The following IMP4 variants were observed in gnomAD, a reference collection of about 807,000 sequenced individuals.
IMP4 encodes IMP U3 small nucleolar ribonucleoprotein 4.
A neutral mutation model predicts 42.7 loss-of-function variants in IMP4; 30 were observed. That is an observed-to-expected ratio of 0.70 (90% confidence interval 0.53 to 0.95). The LOEUF (loss-of-function observed/expected upper bound fraction) is 0.95, where lower values mean the gene tolerates loss of function less well. Ranked by LOEUF, IMP4 falls within the 40% of genes least tolerant of loss-of-function variation. IMP4 has a pLI of 0.00. For synonymous variants in IMP4, 165 were observed against 165.2 expected, an observed-to-expected ratio of 1.00 and a Z score of 0.01; for missense variants, 382 against 411.4, an observed-to-expected ratio of 0.93 and a Z score of 0.62.
In IMP4 at chr2:130,345,598, G is replaced by A. The variant is rs142127211; in HGVS notation, c.338G>A (p.Arg113Gln). Reference sequence around the variant, plus strand: ...AAGCTGGTGTTCCCGGGCGCCCAGCGAATGAACCGAGGTCGACATGAAGTG... The same window carrying A: ...AAGCTGGTGTTCCCGGGCGCCCAGCAAATGAACCGAGGTCGACATGAAGTG... ...ELKLVFPGAQRMNRGRHEVGA... is the reference protein window; with the variant it reads ...ELKLVFPGAQQMNRGRHEVGA... The change falls in exon 5 of 9, where the codon CGA (arginine) becomes CAA (glutamine). Residue 113 changes from arginine (R) to glutamine (Q), a missense_variant. Transcript: ENST00000259239. The surrounding 1 kb of genome is among the most constrained non-coding windows in gnomAD (Gnocchi z 4.9). 8.1e-6 allele frequency: 13 copies of A among 1,614,018 alleles called. No individual in the cohort carries two copies. Among genetic ancestry groups the A allele is most frequent in the East Asian group, 2.2e-5 (1 of 44,874 alleles).
rs1224292296 is a variant in IMP4 at position 130,346,065 on chromosome 2, C to A, written c.642C>A (p.Ser214Arg). 1.2e-6 allele frequency: 2 copies of A among 1,614,098 alleles called. No homozygotes were observed. Among genetic ancestry groups the A allele is most frequent in the Non-Finnish European group, 1.7e-6 (2 of 1,180,040 alleles). ...RYLFPVPKDD[S>R]HRVITFANQD... ...TATTTCCCGTGCCCAAAGATGACAGCCACCGGGTCATCACCTTCGCAAACC... is the reference window on the plus strand; with the variant it reads ...TATTTCCCGTGCCCAAAGATGACAGACACCGGGTCATCACCTTCGCAAACC... Residue 214 changes from serine (S) to arginine (R), a missense_variant, in exon 7 of 9, where the codon AGC becomes AGA. Transcript: ENST00000259239.
rs548341946 is a variant in IMP4 at position 130,347,840 on chromosome 2, C to G, written c.*1372C>G. 1.3e-5 allele frequency: 2 copies of G among 152,294 alleles called. No homozygotes were observed. Among genetic ancestry groups the G allele is most frequent in the Non-Finnish European group, 2.9e-5 (2 of 68,170 alleles). The allele number at this position is 152,294 out of a possible 1,614,324, so 9.4% of individuals were successfully genotyped here. A position where few individuals can be genotyped will look rare whatever the true frequency, so the allele number is the denominator to read the frequency against. ...GTCTGTGGTATTTTGTTAGAACAGCCCAAGTTGAGACAGATAGTAACCCTT... is the reference window on the plus strand; with the variant it reads ...GTCTGTGGTATTTTGTTAGAACAGCGCAAGTTGAGACAGATAGTAACCCTT... On this transcript the variant is annotated 3_prime_UTR_variant, in exon 9 of 9. Transcript: ENST00000259239.
At chr2:130,346,296 G>T in intron 8 of IMP4, 22 bp downstream of exon 8, 2 of 1,613,000 alleles carry the variant, frequency 1.2e-6, no homozygotes, top group East Asian at 2.2e-5. Flanking sequence ...GCTGAATCCC[G>T]TGTCTGGGGT....
intron 2 of IMP4, among the ~76,000 whole-genome samples, chr2:130,344,086 T>C (rs1409078097): frequency 1.3e-5 from 2 of 152,246 alleles, no homozygotes; most frequent in Non-Finnish European, 2.9e-5. Flanking sequence ...CCCAGCACTT[T>C]GGGAGGCCGA....
chr2:130,344,503 C>T (rs528362795), intron 2 of IMP4, 126 bp from the exon 3 acceptor site: 2 of 707,772 alleles, frequency 2.8e-6, no homozygotes, highest in African/African-American at 1.8e-5. Flanking sequence ...CATGCTTTAT[C>T]CAAGCTCAGA....
rs1679617797 is a variant in IMP4, at chr2:130,346,864, A to C, written c.*396A>C. 3.7e-6 allele frequency: 1 copy of C among 272,180 alleles called. No homozygotes were observed. Among genetic ancestry groups the C allele is most frequent in the Non-Finnish European group, 7.2e-6 (1 of 138,606 alleles). The allele number at this position is 272,180 out of a possible 1,614,324, so 16.9% of individuals were successfully genotyped here. On this transcript the variant is annotated 3_prime_UTR_variant, in exon 9 of 9. Coordinates refer to ENST00000259239, the MANE Select transcript of IMP4 (RefSeq NM_033416.3). ...GGCAGCCCACCAAGTTAACTCACTG[A>C]GTGGAAGCCGCCAGTGTGCCAACGC...
rs1250216117 is a variant in IMP4 at position 130,346,192 on chromosome 2, C to G, written c.690-9C>G. The G allele has an allele frequency of 1.9e-6, 3 of 1,613,984 alleles. No homozygotes were observed. In the African/African-American group the frequency reaches 4.0e-5, roughly 22 times the overall value. ...TGCTTGCCGTTGACCCACAGCTGTT[C>G]CCTCCCAGGCACCATGTGTATAAGA... On this transcript the variant is annotated splice_polypyrimidine_tract_variant and intron_variant, in intron 7 of 8. Coordinates refer to ENST00000259239, the MANE Select transcript of IMP4 (RefSeq NM_033416.3).
Position 130,345,398 on chromosome 2 carries a change from T to A in IMP4, c.219T>A (p.Asp73Glu). The A allele has an allele frequency of 6.2e-7, 1 of 1,613,958 alleles. No individual in the cohort carries two copies. The highest frequency in any genetic ancestry group is 1.3e-5 in the African/African-American group (1 of 75,014). Reference sequence around the variant, plus strand: ...CAGGTGTGACCAGCCACGTGGATGATGAATACCGATGGGCAGGAGTCGAGG... The same window carrying A: ...CAGGTGTGACCAGCCACGTGGATGAAGAATACCGATGGGCAGGAGTCGAGG... The part of the protein sequence containing the change: ...GGEGVTSHVD[D>E]EYRWAGVEDP... The change falls in exon 4 of 9, where the codon GAT (aspartate) becomes GAA (glutamate). Residue 73 changes from aspartate (D) to glutamate (E), a missense_variant. Transcript: ENST00000259239. The surrounding 1 kb of genome is among the most constrained non-coding windows in gnomAD (Gnocchi z 4.9).
chr2:130,345,168 A>G lies in IMP4; in HGVS notation c.197-208A>G, dbSNP rs1380738736. On this transcript the variant is annotated intron_variant, in intron 3 of 8. Coordinates refer to ENST00000259239, the MANE Select transcript of IMP4 (RefSeq NM_033416.3). The surrounding 1 kb of genome is among the most constrained non-coding windows in gnomAD (Gnocchi z 4.9). ...GTGACTAATATAGCTTAAGCAAACT[A>G]CAATTAAACAAAAGATTCTGTTTCT... 6 of 600,586 alleles carry G rather than the reference A, an allele frequency of 1.0e-5. No individual in the cohort carries two copies. The highest frequency in any genetic ancestry group is 1.8e-5 in the Non-Finnish European group (6 of 336,878). The allele number at this position is 600,586 out of a possible 1,614,324, so 37.2% of individuals were successfully genotyped here. A position where few individuals can be genotyped will look rare whatever the true frequency, so the allele number is the denominator to read the frequency against.
Position 130,342,949 on chromosome 2 carries a change from C to G in IMP4, c.3+14C>G, listed in dbSNP as rs201588810. On this transcript the variant is annotated intron_variant, in intron 1 of 8. Transcript: ENST00000259239. ...GCACTCAAGATGGTAGGAGAATGAG[C>G]TCCTGTTTCGGAGGTCCGGGGCGCG... 2.5e-6 allele frequency: 4 copies of G among 1,614,178 alleles called. No individual in the cohort carries two copies. In the South Asian group the frequency reaches 3.3e-5, roughly 13 times the overall value.
In IMP4 at chr2:130,346,454, C is replaced by G. The variant is rs1009037724; in HGVS notation, c.862C>G (p.Leu288Val). Reference sequence around the variant, plus strand: ...CAATACCGCACGCAAGAGAGTCTTCCTGAGCACCGAGTGAGCACACTCACC... The same window carrying G: ...CAATACCGCACGCAAGAGAGTCTTCGTGAGCACCGAGTGAGCACACTCACC... ...YTNTARKRVF[L>V]STE is the part of the protein sequence containing the mutation. The change falls in exon 9 of 9, where the codon CTG becomes GTG. Residue 288 changes from leucine (L) to valine (V), a missense_variant. Transcript: ENST00000259239. The G allele has an allele frequency of 6.4e-7, 1 of 1,558,010 alleles. No homozygotes were observed. Among genetic ancestry groups the G allele is most frequent in the Non-Finnish European group, 8.7e-7 (1 of 1,150,110 alleles).
chr2:130,344,654 A>T lies in IMP4; in HGVS notation c.138A>T (p.Leu46Phe). 6.2e-7 allele frequency: 1 copy of T among 1,614,096 alleles called. No homozygotes were observed. Among genetic ancestry groups the T allele is most frequent in the Non-Finnish European group, 8.5e-7 (1 of 1,179,938 alleles). Reference protein sequence around the residue: ...LEENRLIPTELRREALALQGS... With the variant: ...LEENRLIPTEFRREALALQGS... The stretch of plus-strand genomic sequence containing the variant: ...AAAACCGCCTGATTCCCACTGAGTT[A>T]CGCCGAGAGGCTCTGGCCTTACAGG... The change falls in exon 3 of 9, where the codon TTA becomes TTT. Residue 46 changes from leucine to phenylalanine, a missense_variant. Leu to Phe is a conservative substitution (Grantham distance 22). Coordinates refer to ENST00000259239, the MANE Select transcript of IMP4 (RefSeq NM_033416.3).
chr2:130,346,217 A>G lies in IMP4; in HGVS notation c.706A>G (p.Lys236Glu), dbSNP rs968517890. ...CCCTCCCAGGCACCATGTGTATAAGAAGACAGACCACCGCAACGTGGAGCT... is the reference window on the plus strand; with the variant it reads ...CCCTCCCAGGCACCATGTGTATAAGGAGACAGACCACCGCAACGTGGAGCT... ...YISFRHHVYK[K>E]TDHRNVELTE... Residue 236 changes from lysine to glutamate, a missense_variant, in exon 8 of 9, where the codon AAG becomes GAG. Coordinates refer to ENST00000259239, the MANE Select transcript of IMP4 (RefSeq NM_033416.3). The G allele has an allele frequency of 1.9e-6, 3 of 1,613,876 alleles. No individual in the cohort carries two copies. The African/African-American group carries it at 4.0e-5, about 22-fold the overall frequency.
chr2:130,345,303 C>G lies in IMP4; in HGVS notation c.197-73C>G. On this transcript the variant is annotated intron_variant, in intron 3 of 8. Coordinates refer to ENST00000259239, the MANE Select transcript of IMP4 (RefSeq NM_033416.3). This position sits in a 1 kb window ranked among gnomAD's most constrained non-coding sequence, Gnocchi z 4.9. ...GCTTCGGCAGACAGCGACATCCAGG[C>G]GGTCTTGGCTGCCCCGAAGTTAGCA... 1.8e-6 allele frequency: 2 copies of G among 1,124,284 alleles called. No homozygotes were observed. Among genetic ancestry groups the G allele is most frequent in the Non-Finnish European group, 2.7e-6 (2 of 753,852 alleles). The allele number at this position is 1,124,284 out of a possible 1,614,324, so 69.6% of individuals were successfully genotyped here. A position where few individuals can be genotyped will look rare whatever the true frequency, so the allele number is the denominator to read the frequency against.
At position 130,347,509 on chromosome 2, in the gene IMP4, C is replaced by T. The variant is rs1679665772; in HGVS notation, c.*1041C>T. 1 of 152,230 alleles carries T rather than the reference C, an allele frequency of 6.6e-6. No individual in the cohort carries two copies. Among genetic ancestry groups the T allele is most frequent in the Non-Finnish European group, 1.5e-5 (1 of 68,056 alleles). 9.4% of individuals were successfully genotyped at this position (152,230 alleles called of 1,614,324 possible). ...TTGAGTCCCTTATATAGTTTGGATA[C>T]TGCTGTGGCCTGAATGTTTGTGTCC... On this transcript the variant is annotated 3_prime_UTR_variant, in exon 9 of 9. Coordinates refer to ENST00000259239, the MANE Select transcript of IMP4 (RefSeq NM_033416.3).
Position 130,345,671 on chromosome 2 carries a change from G to A in IMP4, c.411G>A (p.Leu137=). The change falls in exon 5 of 9, where the codon CTG becomes CTA. Residue 137 remains leucine, a synonymous_variant. Transcript: ENST00000259239. This position sits in a 1 kb window ranked among gnomAD's most constrained non-coding sequence, Gnocchi z 4.9. ...ACKANGVTDL[L]VVHEHRGTPV... is the part of the protein sequence containing the mutation. ...AAGCCAACGGCGTCACCGATCTGCT[G>A]GTCGTTCACGAGCATCGGGGCACAC... 3.7e-6 allele frequency: 6 copies of A among 1,614,078 alleles called. No individual in the cohort carries two copies. Among genetic ancestry groups the A allele is most frequent in the Non-Finnish European group, 5.1e-6 (6 of 1,180,034 alleles).
Position 130,346,100 on chromosome 2 carries a change from A to G in IMP4, c.677A>G (p.Tyr226Cys), listed in dbSNP as rs1178285253. 6 of 1,614,014 alleles carry G rather than the reference A, an allele frequency of 3.7e-6. No individual in the cohort carries two copies. Among genetic ancestry groups the G allele is most frequent in the Admixed American group, 1.7e-5 (1 of 60,008 alleles). Reference protein sequence around the residue: ...RVITFANQDDYISFRHHVYKK... With the variant: ...RVITFANQDDCISFRHHVYKK... The stretch of plus-strand genomic sequence containing the variant: ...ATCACCTTCGCAAACCAGGACGACT[A>G]CATATCATTCCGGTGGGTCCACGGG... Residue 226 changes from tyrosine to cysteine, a missense_variant, in exon 7 of 9, where the codon TAC (tyrosine) becomes TGC (cysteine). Transcript: ENST00000259239.
intron 1 of IMP4, 44 bp from the exon 2 acceptor site, chr2:130,343,042 G>C: frequency 6.2e-7 from 1 of 1,601,908 alleles, no homozygotes; most frequent in South Asian, 1.1e-5. Context: ...GGGTTCCGGG[G>C]CTCGGGAGCG....
Position 130,346,630 on chromosome 2 carries a change from C to A in IMP4, c.*162C>A. On this transcript the variant is annotated 3_prime_UTR_variant, in exon 9 of 9. Coordinates refer to ENST00000259239, the MANE Select transcript of IMP4 (RefSeq NM_033416.3). ...TAAACCGTCTGTGTCATGGCCCCGCCTGCCTCTGAGTGGTCAGGCCAAGTC... is the reference window on the plus strand; with the variant it reads ...TAAACCGTCTGTGTCATGGCCCCGCATGCCTCTGAGTGGTCAGGCCAAGTC... 1 of 658,356 alleles carries A rather than the reference C, an allele frequency of 1.5e-6. No individual in the cohort carries two copies. The highest frequency in any genetic ancestry group is 1.8e-5 in the South Asian group (1 of 56,182). 40.8% of individuals were successfully genotyped at this position (658,356 alleles called of 1,614,324 possible). A position where few individuals can be genotyped will look rare whatever the true frequency, so the allele number is the denominator to read the frequency against.
Sources: gnomAD v4.1 joint callset for allele counts (sites outside exome capture counted in the v4.1 genomes callset) on GRCh38, gnomAD v4.1.1 for gene constraint, Gnocchi (gnomAD v3.1) non-coding constraint, MANE v1.5 for transcripts, NCBI Gene and HGNC (gene_info 2026-07-23, HGNC 2026-07-21) for gene names.